SULF1: variants seen among roughly 807,000 people sequenced by gnomAD.
SULF1 encodes extracellular sulfatase Sulf-1.
A neutral mutation model predicts 110.5 loss-of-function variants in SULF1; 46 were observed. The observed-to-expected ratio is 0.42, with a 90% confidence interval of 0.33 to 0.53. The LOEUF is 0.53. Ranked by LOEUF, SULF1 falls within the 20% of genes least tolerant of loss-of-function variation. SULF1 has a pLI of 0.12. For synonymous variants in SULF1, 371 were observed against 387.1 expected, an observed-to-expected ratio of 0.96 and a Z score of 0.49; for missense variants, 941 against 1,094.2, an observed-to-expected ratio of 0.86 and a Z score of 1.98.
chr8:69,543,249 G>A (rs181802171), intron 3 of SULF1, among the ~76,000 whole-genome samples: 19 of 152,012 alleles, frequency 1.2e-4, no homozygotes, highest in African/African-American at 3.6e-4. Context: ...CAGGGTACAC[G>A]TGCAAGATAT....
At chr8:69,601,366 T>TGTTTATTTGA (rs1807790303) in intron 9 of SULF1, among the ~76,000 whole-genome samples, 1 of 152,202 alleles carries the variant, frequency 6.6e-6, no homozygotes, top group Non-Finnish European at 1.5e-5. Flanking sequence ...TAAAGTTTGA[T>TGTTTATTTGA]GGTAGAGGTT....
At chr8:69,606,173 A>G (rs959726273) in intron 13 of SULF1, among the ~76,000 whole-genome samples, 3 of 152,224 alleles carry the variant, frequency 2.0e-5, no homozygotes, top group African/African-American at 7.2e-5. Flanking sequence ...CTTGATCCTT[A>G]TACCCTGCAT....
rs191091750 is a variant in SULF1 at position 69,609,064 on chromosome 8, C to G, written c.1377+4132C>G. Among the ~76,000 whole-genome samples, 437 of 152,240 alleles carry G rather than the reference C, an allele frequency of 2.9e-3. 3 individuals carry two copies. Among genetic ancestry groups the G allele is most frequent in the African/African-American group, 1.0e-2 (414 of 41,536 alleles). ...CATTAAACTCACCTGGGGCCGAGCA[C>G]GGCAGCTTATGGCTTACTCCCATAA... On this transcript the variant is annotated intron_variant, in intron 13 of 22. Transcript: ENST00000402687.
At chr8:69,496,453 T>C (rs569304986) in intron 2 of SULF1, among the ~76,000 whole-genome samples, 62 of 152,348 alleles carry the variant, frequency 4.1e-4, no homozygotes, top group Non-Finnish European at 7.4e-4. Flanking sequence ...TTTCTATTTT[T>C]GCTAAAATGC....
At position 69,641,722 on chromosome 8, in the gene SULF1, G is replaced by A. The variant is rs577425721; in HGVS notation, c.2585+881G>A. ...TAGTGACACTGACCTCCAGCCTGAGGGACAGAGAGAGACCCTGTCTCTAAA... is the reference window on the plus strand; with the variant it reads ...TAGTGACACTGACCTCCAGCCTGAGAGACAGAGAGAGACCCTGTCTCTAAA... On this transcript the variant is annotated intron_variant, in intron 22 of 22. Transcript: ENST00000402687. Among the ~76,000 whole-genome samples, 22 of 151,944 alleles carry A rather than the reference G, an allele frequency of 1.4e-4. 1 individual carries two copies. The South Asian group carries it at 4.4e-3, about 30-fold the overall frequency.
At chr8:69,515,736 T>G (rs1371493672) in intron 3 of SULF1, among the ~76,000 whole-genome samples, 1 of 152,244 alleles carries the variant, frequency 6.6e-6, no homozygotes, top group African/African-American at 2.4e-5. Context: ...AATATATGCT[T>G]TTAGAAGCAG....
intron 6 of SULF1, among the ~76,000 whole-genome samples, chr8:69,577,546 T>C (rs1009037136): frequency 3.3e-5 from 5 of 152,272 alleles, no homozygotes; most frequent in East Asian, 1.9e-4. Context: ...ACTGGAACGA[T>C]TGGGACTCTC....
chr8:69,487,440 C>G (rs35167403), intron 1 of SULF1, among the ~76,000 whole-genome samples: 3,888 of 152,288 alleles, frequency 0.026, 79 homozygotes, highest in Middle Eastern at 0.088. Context: ...AGTGGGGGTG[C>G]AGAGTTTCGC....
intron 3 of SULF1, among the ~76,000 whole-genome samples, chr8:69,529,517 T>A (rs1812939240): frequency 6.6e-6 from 1 of 152,224 alleles, no homozygotes; most frequent in African/African-American, 2.4e-5. Flanking sequence ...ATAATAAACA[T>A]CAATGCTCTT....
intron 3 of SULF1, among the ~76,000 whole-genome samples, chr8:69,508,690 T>A (rs544316922): frequency 2.7e-4 from 41 of 152,320 alleles, no homozygotes; most frequent in African/African-American, 8.7e-4. Context: ...AGGTTTTAAA[T>A]TTTTACCCGA....
chr8:69,558,348 G>A (rs1189541560), intron 3 of SULF1, among the ~76,000 whole-genome samples: 1 of 152,192 alleles, frequency 6.6e-6, no homozygotes, highest in Non-Finnish European at 1.5e-5. Context: ...AATCTCCCCT[G>A]CCCCTGCTGT....
At chr8:69,587,657 T>G (rs1477850388) in intron 7 of SULF1, among the ~76,000 whole-genome samples, 4 of 152,146 alleles carry the variant, frequency 2.6e-5, no homozygotes, top group African/African-American at 7.2e-5. Flanking sequence ...GTGGATACAA[T>G]CATTGCAAGC....
chr8:69,490,538 A>T (rs1031319223), upstream of SULF1, among the ~76,000 whole-genome samples: 1 of 152,222 alleles, frequency 6.6e-6, no homozygotes, highest in African/African-American at 2.4e-5. Context: ...AACTGAGTAA[A>T]GTCCAAGCCA....
intron 1 of SULF1, among the ~76,000 whole-genome samples, chr8:69,487,543 T>G (rs1809759331): frequency 6.6e-6 from 1 of 152,196 alleles, no homozygotes; most frequent in Admixed American, 6.5e-5. Flanking sequence ...CATAAGACCT[T>G]CCAGACAGAA....
intron 8 of SULF1, among the ~76,000 whole-genome samples, chr8:69,596,905 C>T (rs879120717): frequency 6.6e-6 from 1 of 152,172 alleles, no homozygotes; most frequent in Non-Finnish European, 1.5e-5. Context: ...TTAACCCCTA[C>T]AAGAACTCTT....
intron 3 of SULF1, among the ~76,000 whole-genome samples, chr8:69,531,821 G>C (rs529855604): frequency 6.6e-6 from 1 of 152,104 alleles, no homozygotes; most frequent in East Asian, 1.9e-4. Context: ...TTTCCTCTTT[G>C]TTTCTGCTTG....
intron 1 of SULF1, among the ~76,000 whole-genome samples, chr8:69,468,705 C>T (rs1416360611): frequency 6.6e-6 from 1 of 152,130 alleles, no homozygotes; most frequent in Non-Finnish European, 1.5e-5. Context: ...CGTGTTGTAT[C>T]AGGATTAGAA....
At chr8:69,534,981 C>T (rs1813341359) in intron 3 of SULF1, among the ~76,000 whole-genome samples, 1 of 152,024 alleles carries the variant, frequency 6.6e-6, no homozygotes, top group African/African-American at 2.4e-5. Context: ...TAGAATTTTG[C>T]ATGATATATC....
intron 7 of SULF1, among the ~76,000 whole-genome samples, chr8:69,586,829 A>G (rs986718883): frequency 6.6e-6 from 1 of 152,234 alleles, no homozygotes; most frequent in Admixed American, 6.5e-5. Context: ...ACTTGTCCAC[A>G]TAATCAAATG....
Sources: gnomAD v4.1 joint callset for allele counts (sites outside exome capture counted in the v4.1 genomes callset) on GRCh38, gnomAD v4.1.1 for gene constraint, MANE v1.5 for transcripts, NCBI Gene and HGNC (gene_info 2026-07-23, HGNC 2026-07-21) for gene names.